Variants in CHN2 observed in about 807,000 individuals in gnomAD.
CHN2 encodes beta-chimaerin.
Under a neutral mutation model 56.3 loss-of-function variants are expected in CHN2, and 35 were observed. The ratio of observed to expected loss-of-function variants is 0.62; its 90% CI spans 0.47 to 0.82. The LOEUF (loss-of-function observed/expected upper bound fraction) is 0.82, where lower values mean the gene tolerates loss of function less well. Among genes scored for constraint, CHN2 ranks in the 40% least tolerant of loss-of-function variants. The pLI is 0.00. For synonymous variants in CHN2, 210 were observed against 212.8 expected (o/e 0.99, Z 0.12); for missense variants, 491 against 580.5 (o/e 0.85, Z 1.58).
chr7:29,182,847 T>G (rs1032222665), intron 2 of CHN2, among the ~76,000 whole-genome samples: 6 of 152,160 alleles, frequency 3.9e-5, no homozygotes, highest in African/African-American at 1.4e-4. Flanking sequence ...ATTGTGTTAA[T>G]CCCGTTTTTG....
intron 6 of CHN2, among the ~76,000 whole-genome samples, chr7:29,438,775 C>T (rs2128121904): frequency 6.6e-6 from 1 of 152,220 alleles, no homozygotes; most frequent in East Asian, 1.9e-4. Context: ...TTGTATCTCC[C>T]TTTGGAACAT....
At chr7:29,335,196 A>G (rs1796525766) in intron 1 of CHN2, among the ~76,000 whole-genome samples, 1 of 152,234 alleles carries the variant, frequency 6.6e-6, no homozygotes, top group South Asian at 2.1e-4. Flanking sequence ...GGAGTCACTC[A>G]TGCATTCTCT....
At chr7:29,506,075 A>G (rs145146907) in intron 10 of CHN2, among the ~76,000 whole-genome samples, 1 of 152,236 alleles carries the variant, frequency 6.6e-6, no homozygotes, top group African/African-American at 2.4e-5. Flanking sequence ...TATCTAAAAA[A>G]TGTCATAGTC....
intron 1 of CHN2, among the ~76,000 whole-genome samples, chr7:29,241,042 C>T (rs1227033100): frequency 6.6e-6 from 1 of 152,102 alleles, no homozygotes; most frequent in Non-Finnish European, 1.5e-5. Context: ...CATGCTACCA[C>T]ACCCAGCTAA....
chr7:29,245,216 C>T (rs779815481), intron 1 of CHN2, among the ~76,000 whole-genome samples: 10 of 152,162 alleles, frequency 6.6e-5, no homozygotes, highest in South Asian at 4.1e-4. Context: ...ATTTTTCAAG[C>T]GGTCCTTAAC....
chr7:29,395,240 T>C (rs922357154), intron 4 of CHN2, among the ~76,000 whole-genome samples: 1 of 152,240 alleles, frequency 6.6e-6, no homozygotes, highest in African/African-American at 2.4e-5. Flanking sequence ...AAATAAATTA[T>C]GGCTGGGCAC....
chr7:29,349,314 T>C (rs1358007948), intron 1 of CHN2, among the ~76,000 whole-genome samples: 1 of 152,218 alleles, frequency 6.6e-6, no homozygotes, highest in African/African-American at 2.4e-5. Context: ...TTATAAATAT[T>C]AACCCATCCA....
At chr7:29,267,282 G>T (rs1419678015) in intron 1 of CHN2, among the ~76,000 whole-genome samples, 1 of 148,878 alleles carries the variant, frequency 6.7e-6, no homozygotes, top group Non-Finnish European at 1.5e-5. Context: ...TCCCTCTGTT[G>T]CCCAGGCTGG....
intron 7 of CHN2, among the ~76,000 whole-genome samples, chr7:29,483,450 A>G (rs568788078): frequency 6.6e-6 from 1 of 152,276 alleles, no homozygotes; most frequent in South Asian, 2.1e-4. Context: ...CGCATGCAAT[A>G]ATTGTATACT....
In CHN2 at chr7:29,338,448, T is replaced by C. The variant is rs150618409; in HGVS notation, c.50-16177T>C. On this transcript the variant is annotated intron_variant, in intron 1 of 12. Coordinates refer to ENST00000222792, the MANE Select transcript of CHN2 (RefSeq NM_004067.4). ...TTTCAGATCCGGACAATGCTAGATT[T>C]GAATATTCAGCTTCACTATATGATT... is the stretch of plus-strand genomic sequence containing the variant. Among the ~76,000 whole-genome samples, 3 of 152,368 alleles carry C rather than the reference T, an allele frequency of 2.0e-5. No homozygotes were observed. In the East Asian group the frequency reaches 5.8e-4, roughly 29 times the overall value.
intron 3 of CHN2, among the ~76,000 whole-genome samples, chr7:29,381,457 A>G (rs1431954968): frequency 6.6e-6 from 1 of 152,162 alleles, no homozygotes; most frequent in Non-Finnish European, 1.5e-5. Flanking sequence ...AAGAAGATGT[A>G]GCAAAGAAGA....
At chr7:29,295,500 C>A (rs957819234) in intron 1 of CHN2, among the ~76,000 whole-genome samples, 2 of 151,528 alleles carry the variant, frequency 1.3e-5, no homozygotes, top group Non-Finnish European at 2.9e-5. Context: ...TGGTGGCTCA[C>A]GCCTGTGATC....
At chr7:29,414,531 G>T (rs1437300710) in intron 6 of CHN2, among the ~76,000 whole-genome samples, 1 of 152,094 alleles carries the variant, frequency 6.6e-6, no homozygotes, top group Non-Finnish European at 1.5e-5. Flanking sequence ...GTGGGCAGGG[G>T]AGCTGAAACC....
At chr7:29,395,840 C>T (rs974105416) in intron 4 of CHN2, among the ~76,000 whole-genome samples, 13 of 152,162 alleles carry the variant, frequency 8.5e-5, no homozygotes, top group South Asian at 2.1e-4. Flanking sequence ...CACTGTTTGA[C>T]GCTGTCAATC....
At chr7:29,304,338 A>T (rs1057292716) in intron 1 of CHN2, among the ~76,000 whole-genome samples, 2 of 152,206 alleles carry the variant, frequency 1.3e-5, no homozygotes, top group African/African-American at 4.8e-5. Flanking sequence ...CGTAGCTGAG[A>T]GTTAAGAAAC....
At position 29,500,001 on chromosome 7, in the gene CHN2, A is replaced by G. The variant is rs772323936; in HGVS notation, c.874A>G (p.Met292Val). Residue 292 changes from methionine to valine, a missense_variant, in exon 9 of 13, where the codon ATG becomes GTG. By Grantham distance (21) the Met-to-Val change is conservative. Transcript: ENST00000222792. ...GAAGGCTCACAACACTCAGAGACCC[A>G]TGGTGGTAGACATATGCATTCGGGA... ...LVKAHNTQRPMVVDICIREIE... is the reference protein window; with the variant it reads ...LVKAHNTQRPVVVDICIREIE... The G allele has an allele frequency of 6.9e-6, 11 of 1,595,128 alleles. No homozygotes were observed. Among genetic ancestry groups the G allele is most frequent in the Non-Finnish European group, 8.5e-6 (10 of 1,170,588 alleles).
chr7:29,477,026 A>C (rs1468561074), intron 6 of CHN2, among the ~76,000 whole-genome samples: 3 of 152,204 alleles, frequency 2.0e-5, no homozygotes, highest in Non-Finnish European at 4.4e-5. Context: ...ATTACGGAGC[A>C]TATAAAATAA....
At chr7:29,470,910 A>G (rs1449943565) in intron 6 of CHN2, among the ~76,000 whole-genome samples, 3 of 152,214 alleles carry the variant, frequency 2.0e-5, no homozygotes, top group African/African-American at 7.2e-5. Context: ...GTTGCGTCAT[A>G]TATCAGCAAG....
chr7:29,415,646 T>C (rs1803666209), intron 6 of CHN2, among the ~76,000 whole-genome samples: 1 of 151,882 alleles, frequency 6.6e-6, no homozygotes, highest in African/African-American at 2.4e-5. Context: ...AGGCTGGAGA[T>C]GGGCGGGCTT....
Sources: gnomAD v4.1 joint callset for allele counts (sites outside exome capture counted in the v4.1 genomes callset) on GRCh38, gnomAD v4.1.1 for gene constraint, MANE v1.5 for transcripts, NCBI Gene and HGNC (gene_info 2026-07-23, HGNC 2026-07-21) for gene names.